DNAJC1: variants seen among roughly 807,000 people sequenced by gnomAD.
DNAJC1 encodes the protein DnaJ heat shock protein family (Hsp40) member C1, also known as dnaJ homolog subfamily C member 1.
A neutral mutation model predicts 76.6 loss-of-function variants in DNAJC1; 58 were observed. The ratio of observed to expected loss-of-function variants is 0.76; its 90% confidence interval spans 0.61 to 0.94. The LOEUF is 0.94. Among genes scored for constraint, DNAJC1 ranks in the 40% least tolerant of loss-of-function variants. DNAJC1 has a pLI of 0.00. For synonymous variants in DNAJC1, 258 were observed against 267.9 expected (o/e 0.96, Z 0.36); for missense variants, 689 against 677.3 (o/e 1.02, Z -0.19).
At chr10:21,920,107 A>G (rs758475411) in intron 4 of DNAJC1, among the ~76,000 whole-genome samples, 178 bp from the exon 5 acceptor site, 19 of 152,044 alleles carry the variant, frequency 1.2e-4, no homozygotes, top group Non-Finnish European at 2.7e-4. Context: ...CATGGTATCC[A>G]GGCCTTAAAC....
intron 2 of DNAJC1, 75 bp from the exon 3 acceptor site, chr10:21,928,627 C>T (rs1590053217): frequency 4.3e-6 from 5 of 1,175,956 alleles, no homozygotes; most frequent in East Asian, 4.7e-5. Context: ...GAAGGCACTA[C>T]AATACACATG....
chr10:21,870,956 G>GGAACAAA (rs1230798700), intron 8 of DNAJC1, among the ~76,000 whole-genome samples: 3 of 151,752 alleles, frequency 2.0e-5, no homozygotes, highest in Admixed American at 1.3e-4. Context: ...AGTACTAGAA[G>GGAACAAA]GAACAGAATG....
At chr10:21,771,993 G>A (rs1450558265) in intron 9 of DNAJC1, among the ~76,000 whole-genome samples, 1 of 152,156 alleles carries the variant, frequency 6.6e-6, no homozygotes, top group Non-Finnish European at 1.5e-5. Flanking sequence ...GTACAGTGGT[G>A]TGATCAAAGC....
chr10:21,860,895 A>G (rs1353339664), intron 8 of DNAJC1: 3 of 152,224 alleles, frequency 2.0e-5, no homozygotes, highest in Non-Finnish European at 4.4e-5. Flanking sequence ...GCACATTTCT[A>G]TGGTAAGTTC....
intron 8 of DNAJC1, among the ~76,000 whole-genome samples, chr10:21,830,235 AT>A (rs1342661463): frequency 6.6e-6 from 1 of 151,846 alleles, no homozygotes; most frequent in East Asian, 1.9e-4. Flanking sequence ...TCTACATTCA[AT>A]TTTCTTCTTG....
chr10:21,917,339 A>G (rs1030444508), intron 6 of DNAJC1, among the ~76,000 whole-genome samples: 9 of 152,112 alleles, frequency 5.9e-5, no homozygotes, highest in Non-Finnish European at 1.3e-4. Flanking sequence ...TAAACAAGAA[A>G]TATGTTAATT....
intron 6 of DNAJC1, among the ~76,000 whole-genome samples, chr10:21,913,024 A>G (rs1057085763): frequency 6.6e-6 from 1 of 150,612 alleles, no homozygotes. Context: ...CCAGAGCTGT[A>G]CAGAGAAGAT....
chr10:21,892,119 ATACTTAT>A, intron 7 of DNAJC1, among the ~76,000 whole-genome samples: 1 of 152,268 alleles, frequency 6.6e-6, no homozygotes, highest in East Asian at 1.9e-4. Context: ...TATATATAAC[ATACTTAT>A]TATACTCACT....
At chr10:22,001,902 G>C (rs1299122558) in intron 1 of DNAJC1, among the ~76,000 whole-genome samples, 1 of 152,120 alleles carries the variant, frequency 6.6e-6, no homozygotes, top group African/African-American at 2.4e-5. Flanking sequence ...GAGATATATA[G>C]TGTATCTATA....
intron 8 of DNAJC1, among the ~76,000 whole-genome samples, chr10:21,860,043 A>C (rs1288561374): frequency 2.0e-5 from 3 of 151,958 alleles, no homozygotes; most frequent in African/African-American, 7.2e-5. Context: ...TCGGCCTCCC[A>C]AAGTGCTAGG....
chr10:21,813,175 C>CCTCT (rs532971786), intron 8 of DNAJC1, among the ~76,000 whole-genome samples: 28 of 28,318 alleles, frequency 9.9e-4, no homozygotes, highest in East Asian at 4.9e-3. Context: ...TCTCTCTCTC[C>CCTCT]CTCTCTCTCT....
chr10:21,917,215 ACAAT>A (rs1370542182), intron 6 of DNAJC1, among the ~76,000 whole-genome samples: 1 of 152,062 alleles, frequency 6.6e-6, no homozygotes, highest in South Asian at 2.1e-4. Flanking sequence ...ATGAGGCAAA[ACAAT>A]CAATCTATTA....
chr10:21,837,172 C>G (rs574472926), intron 8 of DNAJC1, among the ~76,000 whole-genome samples: 1 of 152,236 alleles, frequency 6.6e-6, no homozygotes, highest in East Asian at 1.9e-4. Flanking sequence ...CTCGGCCTCC[C>G]GAGGTGCCGG....
chr10:21,824,104 G>T (rs1835203674), intron 8 of DNAJC1, among the ~76,000 whole-genome samples: 1 of 152,136 alleles, frequency 6.6e-6, no homozygotes, highest in Non-Finnish European at 1.5e-5. Flanking sequence ...ATGAATGACA[G>T]AAAGAAACAG....
At chr10:21,761,524 C>A (rs1459413712) in intron 10 of DNAJC1, among the ~76,000 whole-genome samples, 1 of 145,132 alleles carries the variant, frequency 6.9e-6, no homozygotes, top group Non-Finnish European at 1.5e-5. Context: ...GTACCACAGC[C>A]TGGGCGACAG....
intron 1 of DNAJC1, among the ~76,000 whole-genome samples, chr10:21,963,486 G>T (rs1401520164): frequency 2.0e-5 from 3 of 152,210 alleles, no homozygotes; most frequent in Admixed American, 2.0e-4. Context: ...GAATAAAGCT[G>T]AAGGTTTGAA....
rs867463452 is a variant in DNAJC1, at chr10:21,786,719, C to T, written c.1098+19261G>A. Among the ~76,000 whole-genome samples, 11 of 152,172 alleles carry T rather than the reference C, an allele frequency of 7.2e-5. No homozygotes were observed. In the South Asian group the frequency reaches 2.1e-3, roughly 29 times the overall value. On this transcript the variant is annotated intron_variant, in intron 9 of 11. Coordinates refer to ENST00000376980, the MANE Select transcript of DNAJC1 (RefSeq NM_022365.4). ...CGAACTCCTGATCTCAGGAGATCCACCTCGGCCTCCCAAAGCACTGGGATT... is the reference window on the plus strand; with the variant it reads ...CGAACTCCTGATCTCAGGAGATCCATCTCGGCCTCCCAAAGCACTGGGATT...
At chr10:21,767,436 TTTTG>T (rs1030850311) in intron 9 of DNAJC1, among the ~76,000 whole-genome samples, 22 of 152,198 alleles carry the variant, frequency 1.4e-4, no homozygotes, top group Admixed American at 9.8e-4. Flanking sequence ...TGTCAACTTA[TTTTG>T]TTTGTTTGTT....
chr10:21,770,086 C>T (rs1184254382), intron 9 of DNAJC1, among the ~76,000 whole-genome samples: 2 of 148,286 alleles, frequency 1.3e-5, no homozygotes, highest in African/African-American at 5.3e-5. Flanking sequence ...CTAACGAGTC[C>T]ATTTTTGGAT....
Sources: gnomAD v4.1 joint callset for allele counts (sites outside exome capture counted in the v4.1 genomes callset) on GRCh38, gnomAD v4.1.1 for gene constraint, MANE v1.5 for transcripts, NCBI Gene and HGNC (gene_info 2026-07-23, HGNC 2026-07-21) for gene names.